DENND1A: variants seen among roughly 807,000 people sequenced by gnomAD.
DENND1A encodes DENN domain containing 1A.
A neutral mutation model predicts 113.7 loss-of-function variants in DENND1A; 51 were observed. The observed-to-expected ratio is 0.45, with a 90% CI of 0.36 to 0.57. The LOEUF (loss-of-function observed/expected upper bound fraction) is 0.57. Ranked by LOEUF, DENND1A falls within the 20% of genes least tolerant of loss-of-function variation. The pLI is 0.00. For synonymous variants in DENND1A, 565 were observed against 570.8 expected (o/e 0.99, Z 0.14); for missense variants, 1,258 against 1,395.9 (o/e 0.90, Z 1.57).
At chr9:123,585,364 C>T (rs555175019) in intron 11 of DENND1A, among the ~76,000 whole-genome samples, 7 of 152,288 alleles carry the variant, frequency 4.6e-5, no homozygotes, top group Admixed American at 2.0e-4. Context: ...AAGATATCAG[C>T]GAATGGACAA....
intron 2 of DENND1A, among the ~76,000 whole-genome samples, chr9:123,817,074 C>T (rs1837616089): frequency 2.0e-5 from 3 of 152,160 alleles, no homozygotes; most frequent in Non-Finnish European, 4.4e-5. Context: ...CCAGTAATAC[C>T]CAACCTCTCT....
chr9:123,552,243 G>A (rs1235512035), intron 13 of DENND1A, among the ~76,000 whole-genome samples: 3 of 152,254 alleles, frequency 2.0e-5, no homozygotes, highest in Non-Finnish European at 2.9e-5. Flanking sequence ...GACTGGCAGG[G>A]TCCTCCTCAG....
chr9:123,511,068 T>C lies in DENND1A; in HGVS notation c.993+46502A>G, dbSNP rs1012561903. Among the ~76,000 whole-genome samples, 5 of 152,230 alleles carry C rather than the reference T, an allele frequency of 3.3e-5. No homozygotes were observed. In the East Asian group the frequency reaches 5.8e-4, roughly 18 times the overall value. ...GCAGGCTGTGCAGAGGCCAGCTACA[T>C]TCCCCTCCTTCTTCTGATTCCCAAA... On this transcript the variant is annotated intron_variant, in intron 13 of 23. Transcript: ENST00000394215.
intron 8 of DENND1A, among the ~76,000 whole-genome samples, chr9:123,663,401 TTTAA>T (rs2063340674): frequency 1.3e-5 from 2 of 152,232 alleles, no homozygotes; most frequent in African/African-American, 2.4e-5. Flanking sequence ...TTTTTAAACC[TTTAA>T]TTAATTTATT....
At chr9:123,439,775 T>C (rs1402844203) in intron 19 of DENND1A, 2 of 152,100 alleles carry the variant, frequency 1.3e-5, no homozygotes, top group Non-Finnish European at 1.5e-5. Flanking sequence ...GATACAAAAT[T>C]TTAGTTTCTA....
At chr9:123,610,136 C>T (rs1250089975) in intron 10 of DENND1A, among the ~76,000 whole-genome samples, 2 of 152,170 alleles carry the variant, frequency 1.3e-5, no homozygotes, top group African/African-American at 2.4e-5. Context: ...AAGTCAGTGA[C>T]TGAGCAAAGG....
intron 1 of DENND1A, among the ~76,000 whole-genome samples, chr9:123,893,320 T>A (rs1850213718): frequency 6.6e-6 from 1 of 152,208 alleles, no homozygotes; most frequent in Non-Finnish European, 1.5e-5. Flanking sequence ...CAGCTCAGCA[T>A]GCCACTGCAT....
intron 19 of DENND1A, among the ~76,000 whole-genome samples, chr9:123,425,560 C>T (rs1412625130): frequency 2.0e-5 from 3 of 152,236 alleles, no homozygotes; most frequent in South Asian, 4.1e-4. Flanking sequence ...GACCTGGCCT[C>T]GCCTCTTCCC....
Position 123,415,605 on chromosome 9 carries a change from C to T in DENND1A, c.1489-3776G>A, listed in dbSNP as rs115305802. Among the ~76,000 whole-genome samples the T allele has an allele frequency of 6.3e-3, 957 of 152,334 alleles. 14 individuals carry two copies. The highest frequency in any genetic ancestry group is 0.022 in the African/African-American group (913 of 41,574). ...CAGTCTCAGATTTCGGACACTAGAA[C>T]ATCTGATTGTGTGCAGGGCCCTCCT... On this transcript the variant is annotated intron_variant, in intron 19 of 23. Transcript: ENST00000394215.
chr9:123,469,986 C>T (rs2049267530), intron 13 of DENND1A, among the ~76,000 whole-genome samples: 1 of 152,300 alleles, frequency 6.6e-6, no homozygotes, highest in East Asian at 1.9e-4. Context: ...TTGTATTTGA[C>T]ATATCAATGG....
chr9:123,687,243 C>G (rs558522924), intron 5 of DENND1A, among the ~76,000 whole-genome samples: 2 of 152,230 alleles, frequency 1.3e-5, no homozygotes, highest in Middle Eastern at 3.4e-3. Flanking sequence ...ACCTACCCCC[C>G]CAGCGATCAG....
At chr9:123,652,909 T>C (rs2062736700) in intron 8 of DENND1A, among the ~76,000 whole-genome samples, 1 of 152,074 alleles carries the variant, frequency 6.6e-6, no homozygotes, top group Non-Finnish European at 1.5e-5. Flanking sequence ...AGAAAAAAAA[T>C]GGAATGTGTT....
intron 3 of DENND1A, among the ~76,000 whole-genome samples, chr9:123,782,779 C>G (rs1435149950): frequency 6.6e-6 from 1 of 152,174 alleles, no homozygotes; most frequent in South Asian, 2.1e-4. Flanking sequence ...TTATATCACA[C>G]AATTTATGTA....
chr9:123,695,789 A>G (rs1338803231), intron 5 of DENND1A, among the ~76,000 whole-genome samples: 1 of 152,240 alleles, frequency 6.6e-6, no homozygotes, highest in Non-Finnish European at 1.5e-5. Context: ...CCCGGCCAAC[A>G]TGACAGAATT....
At chr9:123,741,021 C>G (rs2068978145) in intron 5 of DENND1A, among the ~76,000 whole-genome samples, 1 of 150,976 alleles carries the variant, frequency 6.6e-6, no homozygotes, top group South Asian at 2.1e-4. Context: ...TATGTAGAAT[C>G]TACTAGGGGT....
rs150185343 is a variant in DENND1A at position 123,888,461 on chromosome 9, T to C, written c.18-9440A>G. 5.9e-4 allele frequency among the ~76,000 whole-genome samples: 90 copies of C among 152,018 alleles called. No homozygotes were observed. In the Middle Eastern group the frequency reaches 0.01, roughly 17 times the overall value. On this transcript the variant is annotated intron_variant, in intron 1 of 23. Coordinates refer to ENST00000394215, the MANE Select transcript of DENND1A (RefSeq NM_001352964.2). ...ATACTGAATACAAGGGAGAAGAGAG[T>C]AACTTTCAATGCAGAAGTTTGGCAA...
chr9:123,467,009 C>T (rs376201817), intron 13 of DENND1A, among the ~76,000 whole-genome samples: 5 of 152,142 alleles, frequency 3.3e-5, no homozygotes, highest in African/African-American at 9.7e-5. Context: ...CGTGATCACA[C>T]CACTGCACTT....
intron 11 of DENND1A, among the ~76,000 whole-genome samples, chr9:123,587,030 A>G (rs963927879): frequency 2.6e-5 from 4 of 151,764 alleles, no homozygotes; most frequent in African/African-American, 9.7e-5. Context: ...TTGAGAAATA[A>G]TAGACACACA....
intron 5 of DENND1A, among the ~76,000 whole-genome samples, chr9:123,690,054 G>A (rs1232089619): frequency 8.1e-6 from 1 of 123,248 alleles, no homozygotes; most frequent in Non-Finnish European, 1.7e-5. Flanking sequence ...AGAAGGAAAG[G>A]AGGGAGGGAG....
Sources: allele counts gnomAD v4.1 joint callset (sites outside exome capture counted in the v4.1 genomes callset), GRCh38; gene constraint gnomAD v4.1.1; transcripts MANE v1.5; gene names NCBI Gene and HGNC (gene_info 2026-07-23, HGNC 2026-07-21).